Variants in ATP9B observed in about 807,000 individuals in gnomAD.
ATP9B encodes the protein probable phospholipid-transporting ATPase IIB.
In ATP9B, 110 loss-of-function variants were observed where a neutral mutation model predicts 146.1. The ratio of observed to expected loss-of-function variants is 0.75; its 90% CI spans 0.65 to 0.88. The LOEUF (loss-of-function observed/expected upper bound fraction) is 0.88. ATP9B is among the 40% of genes least tolerant of loss of function. The pLI is 0.00. For synonymous variants in ATP9B, 604 were observed against 569.7 expected (o/e 1.06, Z -0.86); for missense variants, 1,499 against 1,496.4 (o/e 1.00, Z -0.03).
At chr18:79,201,915 G>C (rs917123987) in intron 9 of ATP9B, among the ~76,000 whole-genome samples, 1 of 152,094 alleles carries the variant, frequency 6.6e-6, no homozygotes, top group South Asian at 2.1e-4. Context: ...GGTGGCTACA[G>C]CTGGAGCACG....
At chr18:79,327,792 C>T (rs62096809) in intron 15 of ATP9B, among the ~76,000 whole-genome samples, 20,261 of 73,030 alleles carry the variant, frequency 0.28, 4,871 homozygotes, top group Middle Eastern at 0.45. Flanking sequence ...CCGTGGTTAG[C>T]GTGCTCTCCG....
rs369586156 is a variant in ATP9B, at chr18:79,337,462, C to T, written c.2283+13C>T. 132 of 1,604,546 alleles carry T rather than the reference C, an allele frequency of 8.2e-5. 1 individual carries two copies. The highest frequency in any genetic ancestry group is 1.0e-4 in the Non-Finnish European group (123 of 1,178,266). ...CGCCGGGATCAAGGTACTGCAGGCT[C>T]ACCTCTGCTGGCGCGCGCTGCTTTT... On this transcript the variant is annotated intron_variant, in intron 19 of 29. Coordinates refer to ENST00000426216, the MANE Select transcript of ATP9B (RefSeq NM_198531.5).
At chr18:79,185,545 C>T (rs1391669673) in intron 8 of ATP9B, among the ~76,000 whole-genome samples, 2 of 152,058 alleles carry the variant, frequency 1.3e-5, no homozygotes, top group African/African-American at 4.8e-5. Context: ...TACCACACCA[C>T]CAAAAAGCAG....
chr18:79,324,068 A>G (rs1049490544), intron 15 of ATP9B, among the ~76,000 whole-genome samples: 1 of 152,208 alleles, frequency 6.6e-6, no homozygotes, highest in Non-Finnish European at 1.5e-5. Context: ...ATGCTTTCCT[A>G]TACCTGTTGG....
intron 8 of ATP9B, among the ~76,000 whole-genome samples, chr18:79,187,597 A>G (rs944686827): frequency 2.6e-5 from 4 of 152,178 alleles, no homozygotes; most frequent in African/African-American, 9.7e-5. Flanking sequence ...CTGCCGAGCC[A>G]TTTCTTCATT....
chr18:79,168,036 A>G lies in ATP9B; in HGVS notation c.779-8777A>G, dbSNP rs75560563. ...GCCCTGAGCACATGCATACCTGCCAACTCGGAAGGGGATGGGGATCCTGCC... is the reference window on the plus strand; with the variant it reads ...GCCCTGAGCACATGCATACCTGCCAGCTCGGAAGGGGATGGGGATCCTGCC... On this transcript the variant is annotated intron_variant, in intron 7 of 29. Coordinates refer to ENST00000426216, the MANE Select transcript of ATP9B (RefSeq NM_198531.5). Among the ~76,000 whole-genome samples, 617 of 152,186 alleles carry G rather than the reference A, an allele frequency of 4.1e-3. 2 individuals carry two copies. Among genetic ancestry groups the G allele is most frequent in the African/African-American group, 0.014 (567 of 41,510 alleles).
At position 79,253,499 on chromosome 18, in the gene ATP9B, T is replaced by G; in HGVS notation, c.1226T>G (p.Leu409Arg). 6.2e-7 allele frequency: 1 copy of G among 1,607,754 alleles called. No homozygotes were observed. The highest frequency in any genetic ancestry group is 1.1e-5 in the South Asian group (1 of 89,254). The change falls in exon 12 of 30, where the codon CTT becomes CGT. Residue 409 changes from leucine (L) to arginine (R), a missense_variant. Physicochemically the swap from Leu to Arg is moderately radical, Grantham distance 102. Transcript: ENST00000426216. ...QGFVGPWYRNLFRFLLLFSYI... is the reference protein window; with the variant it reads ...QGFVGPWYRNRFRFLLLFSYI... ...TTTGTGGGTCCATGGTACCGCAATC[T>G]TTTTCGGTTCCTTCTCCTCTTTTCT...
At chr18:79,268,416 TC>T (rs1207752919) in intron 12 of ATP9B, among the ~76,000 whole-genome samples, 4 of 152,224 alleles carry the variant, frequency 2.6e-5, no homozygotes, top group African/African-American at 9.6e-5. Flanking sequence ...ACTTACCTGT[TC>T]AATATTTTTC....
At chr18:79,118,394 T>TTG in intron 4 of ATP9B, among the ~76,000 whole-genome samples, 1 of 121,268 alleles carries the variant, frequency 8.2e-6, no homozygotes, top group South Asian at 3.5e-4. Context: ...GTTTTTGTTT[T>TTG]TTTTTTTTTT....
intron 7 of ATP9B, chr18:79,173,636 G>T (rs771655444): frequency 2.7e-5 from 12 of 450,044 alleles, no homozygotes; most frequent in Non-Finnish European, 5.3e-5. Context: ...ATACTTGTAT[G>T]TTGGGGGGAC....
At chr18:79,316,381 G>A (rs2096680158) in intron 15 of ATP9B, among the ~76,000 whole-genome samples, 1 of 152,208 alleles carries the variant, frequency 6.6e-6, no homozygotes, top group African/African-American at 2.4e-5. Flanking sequence ...ACCTGCTGCT[G>A]TGGAGACAGA....
At chr18:79,250,381 G>T (rs2096010796) in intron 11 of ATP9B, among the ~76,000 whole-genome samples, 1 of 152,156 alleles carries the variant, frequency 6.6e-6, no homozygotes, top group Non-Finnish European at 1.5e-5. Flanking sequence ...ATGGGATTTG[G>T]ATGAATAGAG....
chr18:79,250,683 A>G (rs981768479), intron 11 of ATP9B, among the ~76,000 whole-genome samples: 3 of 152,214 alleles, frequency 2.0e-5, no homozygotes, highest in Non-Finnish European at 4.4e-5. Context: ...CTGCTTTTTA[A>G]ATAGAGCTGA....
intron 4 of ATP9B, among the ~76,000 whole-genome samples, chr18:79,123,804 A>G (rs964306317): frequency 6.6e-6 from 1 of 152,202 alleles, no homozygotes; most frequent in Non-Finnish European, 1.5e-5. Context: ...GCACCAAAAT[A>G]GTAACTTTTA....
intron 3 of ATP9B, among the ~76,000 whole-genome samples, chr18:79,110,752 G>A (rs1158324695): frequency 2.0e-5 from 3 of 152,150 alleles, no homozygotes; most frequent in Non-Finnish European, 4.4e-5. Context: ...TTCAGTTCTT[G>A]ATAAACATCA....
At chr18:79,154,753 A>G (rs1166295014) in intron 7 of ATP9B, among the ~76,000 whole-genome samples, 198 bp downstream of exon 7, 1 of 152,232 alleles carries the variant, frequency 6.6e-6, no homozygotes, top group Non-Finnish European at 1.5e-5. Context: ...TTTCATATGA[A>G]GCTACTTTAC....
intron 2 of ATP9B, among the ~76,000 whole-genome samples, chr18:79,101,553 A>T (rs975841948): frequency 4.6e-5 from 7 of 152,228 alleles, no homozygotes; most frequent in African/African-American, 1.7e-4. Flanking sequence ...AAATGTCCAG[A>T]AACTTCATTG....
intron 15 of ATP9B, among the ~76,000 whole-genome samples, chr18:79,319,984 C>G (rs2096706122): frequency 6.6e-6 from 1 of 152,200 alleles, no homozygotes; most frequent in South Asian, 2.1e-4. Context: ...TCTTTAAACT[C>G]AGAGCCCAGA....
At chr18:79,136,519 G>A (rs1193006594) in intron 5 of ATP9B, among the ~76,000 whole-genome samples, 1 of 152,126 alleles carries the variant, frequency 6.6e-6, no homozygotes, top group East Asian at 1.9e-4. Context: ...AAAGTGTTTA[G>A]CCTTTATTTC....
Sources: allele counts gnomAD v4.1 joint callset (sites outside exome capture counted in the v4.1 genomes callset), GRCh38; gene constraint gnomAD v4.1.1; transcripts MANE v1.5; gene names NCBI Gene and HGNC (gene_info 2026-07-23, HGNC 2026-07-21).